The following PTGES3L variants were observed in gnomAD, a reference collection of about 807,000 sequenced individuals.
The protein encoded by PTGES3L is putative protein PTGES3L.
Under a neutral mutation model 25.0 loss-of-function variants are expected in PTGES3L, and 17 were observed. The ratio of observed to expected loss-of-function variants is 0.68; its 90% CI spans 0.47 to 1.02. The LOEUF (loss-of-function observed/expected upper bound fraction) is 1.02. PTGES3L is among the 50% of genes least tolerant of loss of function. The pLI is 0.00. For missense variants in PTGES3L, 202 were observed against 197.5 expected (o/e 1.02, Z -0.14); for synonymous variants, 59 against 65.7 (o/e 0.90, Z 0.50).
At position 42,968,380 on chromosome 17, in the gene PTGES3L, A is replaced by C. The variant is rs1034946113; in HGVS notation, c.*768T>G. ...ACCCCATCTCTGCTAAAAATACAAA[A>C]ATTAGCTGGGCCTGGTGGTGCACAT... is the stretch of plus-strand genomic sequence containing the variant. On this transcript the variant is annotated 3_prime_UTR_variant, in exon 7 of 7. Coordinates refer to ENST00000591916, the MANE Select transcript of PTGES3L (RefSeq NM_001261430.2). 4.6e-5 allele frequency: 7 copies of C among 152,002 alleles called. No individual in the cohort carries two copies. The highest frequency in any genetic ancestry group is 1.7e-4 in the African/African-American group (7 of 41,366). The allele number at this position is 152,002 out of a possible 1,614,324, so 9.4% of individuals were successfully genotyped here. A position where few individuals can be genotyped will look rare whatever the true frequency, so the allele number is the denominator to read the frequency against.
At chr17:42,969,336 G>T (rs1260458092) in intron 6 of PTGES3L, 150 bp from the exon 7 acceptor site, 22 of 437,944 alleles carry the variant, frequency 5.0e-5, no homozygotes, top group South Asian at 2.2e-4. Flanking sequence ...AATATGAAAG[G>T]TTTTAACTTA....
chr17:42,978,782 C>T (rs1163663464), intron 4 of PTGES3L, among the ~76,000 whole-genome samples: 1 of 152,154 alleles, frequency 6.6e-6, no homozygotes, highest in African/African-American at 2.4e-5. Flanking sequence ...GGGCAGATCA[C>T]CTGAAGTCGG....
intron 4 of PTGES3L, among the ~76,000 whole-genome samples, chr17:42,972,778 C>T (rs1449688646): frequency 6.6e-6 from 1 of 150,566 alleles, no homozygotes; most frequent in Non-Finnish European, 1.5e-5. Context: ...TCTGCCTGGC[C>T]GCCCATCGTC....
Position 42,969,021 on chromosome 17 carries a change from A to G in PTGES3L, c.*127T>C, listed in dbSNP as rs2049781306. ...GGACGACCCTTAATAAAGAGCTTCT[A>G]GGAAAGTTCAGAGATCTCAGAAGAA... On this transcript the variant is annotated 3_prime_UTR_variant, in exon 7 of 7. Transcript: ENST00000591916. The G allele has an allele frequency of 3.0e-6, 2 of 663,070 alleles. No homozygotes were observed. Among genetic ancestry groups the G allele is most frequent in the African/African-American group, 1.8e-5 (1 of 54,634 alleles). 41.1% of individuals were successfully genotyped at this position (663,070 alleles called of 1,614,324 possible).
chr17:42,974,863 A>T (rs914568305), intron 4 of PTGES3L, among the ~76,000 whole-genome samples: 24 of 151,976 alleles, frequency 1.6e-4, no homozygotes, highest in African/African-American at 5.5e-4. Context: ...GGCCGGGCGC[A>T]GTGGCTATCA....
chr17:42,971,649 C>T lies in PTGES3L; in HGVS notation c.336G>A (p.Gly112=), dbSNP rs765134326. The T allele has an allele frequency of 6.2e-7, 1 of 1,614,092 alleles. No individual in the cohort carries two copies. Among genetic ancestry groups the T allele is most frequent in the Non-Finnish European group, 8.5e-7 (1 of 1,180,010 alleles). Residue 112 remains glycine, a synonymous_variant, in exon 5 of 7, where the codon GGG becomes GGA. Coordinates refer to ENST00000591916, the MANE Select transcript of PTGES3L (RefSeq NM_001261430.2). ...VDFDNWRDWE[G]DEEMELAHVE... ...CATGAGCCAGCTCCATCTCTTCATCCCCTTCCCAGTCTCTCCAGTTATCAA... is the reference window on the plus strand; with the variant it reads ...CATGAGCCAGCTCCATCTCTTCATCTCCTTCCCAGTCTCTCCAGTTATCAA...
intron 4 of PTGES3L, among the ~76,000 whole-genome samples, chr17:42,974,076 A>T (rs2049910903): frequency 1.3e-5 from 2 of 152,124 alleles, no homozygotes; most frequent in South Asian, 4.1e-4. Flanking sequence ...GACAAGCTGC[A>T]GCCAGGCGCA....
intron 4 of PTGES3L, among the ~76,000 whole-genome samples, chr17:42,976,525 T>A (rs894538566): frequency 6.6e-6 from 1 of 151,834 alleles, no homozygotes; most frequent in African/African-American, 2.4e-5. Context: ...ACTACAGACA[T>A]GCGCCACCAC....
At chr17:42,973,136 A>G (rs372038274) in intron 4 of PTGES3L, among the ~76,000 whole-genome samples, 7 of 134,430 alleles carry the variant, frequency 5.2e-5, no homozygotes, top group African/African-American at 1.4e-4. Context: ...CAGCCACCCC[A>G]TCTGGGAAGT....
At chr17:42,979,474 G>A (rs750437194) in intron 2 of PTGES3L, 30 bp from the exon 3 acceptor site, 3 of 1,614,184 alleles carry the variant, frequency 1.9e-6, no homozygotes, top group Admixed American at 1.7e-5. Flanking sequence ...GAGGAGATGC[G>A]GAATACTCCG....
chr17:42,971,828 CTCCTTTG>C lies in PTGES3L; in HGVS notation c.289-139_289-133del, dbSNP rs953261978. On this transcript the variant is annotated intron_variant, in intron 4 of 6. Transcript: ENST00000591916. Reference sequence around the variant, plus strand: ...TAGGTCCCTAGTCCTCCCAACTGCACTCCTTTGACCAGGAACCTGCCAATCTACACAC... The same window carrying C: ...TAGGTCCCTAGTCCTCCCAACTGCACACCAGGAACCTGCCAATCTACACAC... 1.2e-5 allele frequency: 9 copies of C among 728,198 alleles called. No individual in the cohort carries two copies. In the African/African-American group the frequency reaches 1.6e-4, roughly 13 times the overall value. The allele number at this position is 728,198 out of a possible 1,614,324, so 45.1% of individuals were successfully genotyped here.
intron 5 of PTGES3L, among the ~76,000 whole-genome samples, chr17:42,970,940 G>A (rs1348958621): frequency 1.3e-5 from 2 of 151,940 alleles, no homozygotes; most frequent in Non-Finnish European, 2.9e-5. Flanking sequence ...CTGGGAAGTG[G>A]AGGTTGCAGG....
chr17:42,973,242 G>C (rs80354969), intron 4 of PTGES3L, among the ~76,000 whole-genome samples: 351 of 120,122 alleles, frequency 2.9e-3, no homozygotes, highest in South Asian at 8.2e-3. Context: ...GGAGGGAGGT[G>C]GGGGGGTCAG....
intron 4 of PTGES3L, among the ~76,000 whole-genome samples, chr17:42,978,489 A>G (rs935867011): frequency 3.3e-5 from 5 of 152,204 alleles, no homozygotes; most frequent in African/African-American, 4.8e-5. Flanking sequence ...TAGCAGTGCC[A>G]ATATCTGAAG....
At chr17:42,972,957 A>G (rs1021176052) in intron 4 of PTGES3L, among the ~76,000 whole-genome samples, 1 of 141,732 alleles carries the variant, frequency 7.1e-6, no homozygotes, top group Non-Finnish European at 1.5e-5. Flanking sequence ...AGATGTGGGG[A>G]GCACCTCTGC....
chr17:42,979,363 C>T lies in PTGES3L; in HGVS notation c.189+15G>A. On this transcript the variant is annotated intron_variant, in intron 3 of 6. Transcript: ENST00000591916. Reference sequence around the variant, plus strand: ...CGGTTTCCATCCAAACCTTACTGTCCCATTTCACCCTTACCTTGGAGTTCA... The same window carrying T: ...CGGTTTCCATCCAAACCTTACTGTCTCATTTCACCCTTACCTTGGAGTTCA... 1 of 1,614,068 alleles carries T rather than the reference C, an allele frequency of 6.2e-7. No individual in the cohort carries two copies.
rs773935465 is a variant in PTGES3L at position 42,968,818 on chromosome 17, T to C, written c.*330A>G. On this transcript the variant is annotated 3_prime_UTR_variant, in exon 7 of 7. Coordinates refer to ENST00000591916, the MANE Select transcript of PTGES3L (RefSeq NM_001261430.2). Reference sequence around the variant, plus strand: ...ATAGTAGAGATTTCTATAATCTGCATTCTTCTTTGGCTTTTGTTTTGCCAC... The same window carrying C: ...ATAGTAGAGATTTCTATAATCTGCACTCTTCTTTGGCTTTTGTTTTGCCAC... 1.5e-5 allele frequency: 4 copies of C among 275,192 alleles called. No individual in the cohort carries two copies. The highest frequency in any genetic ancestry group is 2.2e-5 in the African/African-American group (1 of 45,956). The allele number at this position is 275,192 out of a possible 1,614,324, so 17.0% of individuals were successfully genotyped here. A position where few individuals can be genotyped will look rare whatever the true frequency, so the allele number is the denominator to read the frequency against.
chr17:42,976,362 T>C (rs2049954219), intron 4 of PTGES3L, among the ~76,000 whole-genome samples: 1 of 152,164 alleles, frequency 6.6e-6, no homozygotes, highest in Non-Finnish European at 1.5e-5. Flanking sequence ...AATTTTTTAA[T>C]GTCAGTAACA....
At position 42,969,204 on chromosome 17, in the gene PTGES3L, A is replaced by AGG. The variant is rs767299828; in HGVS notation, c.433-19_433-18insCC. The AGG allele has an allele frequency of 3.2e-5, 43 of 1,359,300 alleles. No homozygotes were observed. In the African/African-American group the frequency reaches 6.3e-4, roughly 20 times the overall value. 84.2% of individuals were successfully genotyped at this position (1,359,300 alleles called of 1,614,324 possible). ...GAATCATCCTGGGGGCGGGGGGGAA[A>AGG]AAAGACAAAGCACCTGTAGACCCTG... On this transcript the variant is annotated intron_variant, in intron 6 of 6. Coordinates refer to ENST00000591916, the MANE Select transcript of PTGES3L (RefSeq NM_001261430.2).
Sources: allele counts gnomAD v4.1 joint callset (sites outside exome capture counted in the v4.1 genomes callset), GRCh38; gene constraint gnomAD v4.1.1; transcripts MANE v1.5; gene names NCBI Gene and HGNC (gene_info 2026-07-23, HGNC 2026-07-21).